SI: variants seen among roughly 807,000 people sequenced by gnomAD.
The protein encoded by SI is sucrase-isomaltase, intestinal.
In SI, 235 loss-of-function variants were observed where a neutral mutation model predicts 253.3. That is an observed-to-expected ratio of 0.93 (90% CI 0.83 to 1.03). SI has a LOEUF of 1.03. Ranked by LOEUF, SI falls within the 50% of genes least tolerant of loss-of-function variation. The pLI is 0.00. For missense variants in SI, 2,442 were observed against 2,211.1 expected, an observed-to-expected ratio of 1.10 and a Z score of -2.09; for synonymous variants, 819 against 712.0, an observed-to-expected ratio of 1.15 and a Z score of -2.39.
intron 36 of SI, among the ~76,000 whole-genome samples, 176 bp downstream of exon 36, chr3:165,007,735 T>C: frequency 6.6e-6 from 1 of 150,652 alleles, no homozygotes; most frequent in East Asian, 1.9e-4. Flanking sequence ...GAAAATTGGG[T>C]GTGTGAATCC....
At chr3:165,050,068 G>C (rs1436011292) in intron 13 of SI, among the ~76,000 whole-genome samples, 193 bp from the exon 14 acceptor site, 2 of 152,078 alleles carry the variant, frequency 1.3e-5, no homozygotes, top group African/African-American at 4.8e-5. Flanking sequence ...AGATGGGATA[G>C]AGAGATTTTA....
intron 24 of SI, among the ~76,000 whole-genome samples, chr3:165,031,641 G>C (rs928145580): frequency 6.7e-6 from 1 of 149,982 alleles, no homozygotes; most frequent in Non-Finnish European, 1.5e-5. Context: ...GAGGTCTTAT[G>C]AGTTAAAACA....
intron 26 of SI, 59 bp from the exon 27 acceptor site, chr3:165,021,442 C>A (rs1711611752): frequency 7.7e-7 from 1 of 1,306,028 alleles, no homozygotes; most frequent in African/African-American, 1.5e-5. Flanking sequence ...ATGTACATAT[C>A]ATGAACTAAG....
chr3:165,085,295 A>G, the SI span, among the ~76,000 whole-genome samples: 1 of 152,188 alleles, frequency 6.6e-6, no homozygotes, highest in South Asian at 2.1e-4. Flanking sequence ...AATCAATTCA[A>G]GTATAAATTT....
chr3:165,064,120 G>A (rs565393840), intron 7 of SI, among the ~76,000 whole-genome samples: 1 of 151,720 alleles, frequency 6.6e-6, no homozygotes, highest in South Asian at 2.1e-4. Context: ...TAATAACTTA[G>A]TCATGATAAG....
chr3:165,040,569 G>T (rs1712765999), intron 18 of SI, among the ~76,000 whole-genome samples: 1 of 151,966 alleles, frequency 6.6e-6, no homozygotes. Context: ...TACATGCAAA[G>T]ATGAGCACAA....
At chr3:165,007,881 A>C (rs1316547139) in intron 36 of SI, 30 bp downstream of exon 36, 2 of 1,078,548 alleles carry the variant, frequency 1.9e-6, no homozygotes, top group Admixed American at 1.7e-5. Context: ...ATAACATGAT[A>C]ATATCAAAGG....
chr3:164,987,948 A>T (rs1480308797), intron 44 of SI, among the ~76,000 whole-genome samples: 1 of 152,162 alleles, frequency 6.6e-6, no homozygotes, highest in African/African-American at 2.4e-5. Flanking sequence ...TCCATACATA[A>T]ATCATGGAGT....
chr3:164,983,312 C>CA (rs796923756), intron 45 of SI, among the ~76,000 whole-genome samples: 11 of 152,174 alleles, frequency 7.2e-5, no homozygotes, highest in African/African-American at 2.4e-4. Context: ...AAAACAGTAA[C>CA]AGGTTTAAAA....
Position 165,016,029 on chromosome 3 carries a change from T to C in SI, c.3811A>G (p.Ile1271Val). The C allele has an allele frequency of 6.8e-6, 11 of 1,612,428 alleles. No homozygotes were observed. The highest frequency in any genetic ancestry group is 7.6e-6 in the Non-Finnish European group (9 of 1,178,656). Residue 1271 changes from isoleucine (I) to valine (V), a missense_variant, in exon 32 of 48, where the codon ATT becomes GTT. Transcript: ENST00000264382. ...GGAAGGTCCTGGAATGCTTCACCAA[T>C]TGTAAAGTCTAGCTGCCTTTCCATG... ...DYMERQLDFT[I>V]GEAFQDLPQF...
At chr3:165,064,174 C>A (rs1714113702) in intron 7 of SI, among the ~76,000 whole-genome samples, 1 of 152,000 alleles carries the variant, frequency 6.6e-6, no homozygotes, top group Admixed American at 6.6e-5. Flanking sequence ...GCCCAAGGTA[C>A]TGCAGGAGCT....
In SI at chr3:165,006,356, C is replaced by T. The variant is rs536497773; in HGVS notation, c.4406+460G>A. ...AACTCCTGGTCTCAATTGATCCGCC[C>T]GCCTCAGCCTCCCAAAGTGCTGGGA... On this transcript the variant is annotated intron_variant, in intron 37 of 47. Transcript: ENST00000264382. Among the ~76,000 whole-genome samples, 47 of 152,190 alleles carry T rather than the reference C, an allele frequency of 3.1e-4. 1 individual carries two copies. Among genetic ancestry groups the T allele is most frequent in the Middle Eastern group, 3.4e-3 (1 of 294 alleles).
At chr3:165,065,494 TGA>T in intron 6 of SI, 62 bp from the exon 7 acceptor site, 1 of 265,706 alleles carries the variant, frequency 3.8e-6, no homozygotes, top group Non-Finnish European at 6.1e-6. Flanking sequence ...TATATATATA[TGA>T]TATTCTACCA....
chr3:165,008,353 T>G (rs368913636), intron 35 of SI, among the ~76,000 whole-genome samples: 3 of 152,100 alleles, frequency 2.0e-5, no homozygotes, highest in African/African-American at 7.2e-5. Flanking sequence ...CTTTTATTGC[T>G]AAAACTACAA....
rs748237348 is a variant in SI at position 165,074,511 on chromosome 3, T to G, written c.255+20A>C. On this transcript the variant is annotated intron_variant, in intron 3 of 47. Transcript: ENST00000264382. ...TAATGTATATATTCATTAAAAATAT[T>G]AAAGACTTTTGCTGCAGACCTCTGT... The G allele has an allele frequency of 1.3e-6, 2 of 1,546,270 alleles. No homozygotes were observed. Among genetic ancestry groups the G allele is most frequent in the Non-Finnish European group, 1.8e-6 (2 of 1,132,244 alleles).
At chr3:164,998,960 A>C (rs1718142217) in intron 37 of SI, among the ~76,000 whole-genome samples, 1 of 151,892 alleles carries the variant, frequency 6.6e-6, no homozygotes, top group African/African-American at 2.4e-5. Context: ...TAATTGAATG[A>C]AATCAACAAA....
chr3:165,080,580 G>A (rs935247801), upstream of SI, among the ~76,000 whole-genome samples: 1 of 151,930 alleles, frequency 6.6e-6, no homozygotes, highest in South Asian at 2.1e-4. Flanking sequence ...CCATAAAAAA[G>A]GATGAGTTCA....
At chr3:165,018,629 T>C (rs1035741594) in intron 28 of SI, among the ~76,000 whole-genome samples, 1 of 151,152 alleles carries the variant, frequency 6.6e-6, no homozygotes, top group African/African-American at 2.4e-5. Context: ...TTAGATTATA[T>C]ACTTTTGATT....
chr3:165,043,505 C>A (rs982430371), intron 16 of SI, among the ~76,000 whole-genome samples: 7 of 151,830 alleles, frequency 4.6e-5, no homozygotes, highest in African/African-American at 1.7e-4. Context: ...GCTTCTTAAT[C>A]CCTAACTCAA....
Sources: gnomAD v4.1 joint callset for allele counts (sites outside exome capture counted in the v4.1 genomes callset) on GRCh38, gnomAD v4.1.1 for gene constraint, MANE v1.5 for transcripts, NCBI Gene and HGNC (gene_info 2026-07-23, HGNC 2026-07-21) for gene names.